The following SNAP47 variants were observed in gnomAD, a reference collection of about 807,000 sequenced individuals.
The protein encoded by SNAP47 is synaptosomal-associated protein 47.
A neutral mutation model predicts 31.4 loss-of-function variants in SNAP47; 20 were observed. The observed-to-expected ratio is 0.64, with a 90% CI of 0.45 to 0.93. The LOEUF (loss-of-function observed/expected upper bound fraction) is 0.93. Ranked by LOEUF, SNAP47 falls within the 40% of genes least tolerant of loss-of-function variation. The pLI, the probability that SNAP47 is intolerant of heterozygous loss-of-function variation, is 0.00. For synonymous variants in SNAP47, 194 were observed against 213.4 expected (o/e 0.91, Z 0.79); for missense variants, 492 against 528.5 (o/e 0.93, Z 0.68).
chr1:227,758,948 T>C (rs868089258), intron 2 of SNAP47, 47 bp from the exon 3 acceptor site: 1 of 1,536,912 alleles, frequency 6.5e-7, no homozygotes, highest in Middle Eastern at 1.8e-4. Context: ...GTATTACTCC[T>C]TAAAAATGAA....
chr1:227,763,325 A>G lies in SNAP47; in HGVS notation c.989-3634A>G, dbSNP rs1179229349. On this transcript the variant is annotated intron_variant, in intron 3 of 4. Transcript: ENST00000617596. The surrounding 1 kb of genome is among the most constrained non-coding windows in gnomAD (Gnocchi z 4.2). ...TCACTCACTGCCTGTCTTGGGGGTA[A>G]GGCCTGCCTGGGCTTCCAGCTCCCT... Among the ~76,000 whole-genome samples, 1 of 152,134 alleles carries G rather than the reference A, an allele frequency of 6.6e-6. No homozygotes were observed. The highest frequency in any genetic ancestry group is 1.5e-5 in the Non-Finnish European group (1 of 68,022).
intron 4 of SNAP47, chr1:227,777,214 A>G (rs1221564282): frequency 2.1e-5 from 11 of 529,744 alleles, no homozygotes; most frequent in Non-Finnish European, 2.4e-5. Context: ...TACGTAGTGA[A>G]GTTTTCCATA....
chr1:227,747,628 G>C, intron 1 of SNAP47, 64 bp from the exon 2 acceptor site: 1 of 1,501,664 alleles, frequency 6.7e-7, no homozygotes, highest in Non-Finnish European at 9.0e-7. Flanking sequence ...CAGCATCCTT[G>C]TGGGGTTGCT....
In SNAP47 at chr1:227,780,607, A is replaced by G; in HGVS notation, c.1194A>G (p.Ala398=). ...AAGACGAAGCCCTGGATGGCGTTGC[A>G]GCAGCTGTGGACAGGGCAACCTTGA... ...ERQDEALDGV[A]AAVDRATLTI... is the part of the protein sequence containing the mutation. Residue 398 remains alanine, a synonymous_variant, in exon 5 of 5, where the codon GCA becomes GCG. Transcript: ENST00000617596. 1 of 1,614,216 alleles carries G rather than the reference A, an allele frequency of 6.2e-7. No individual in the cohort carries two copies. Among genetic ancestry groups the G allele is most frequent in the South Asian group, 1.1e-5 (1 of 91,088 alleles).
chr1:227,739,144 A>G (rs1352165721), intron 1 of SNAP47, among the ~76,000 whole-genome samples: 2 of 152,090 alleles, frequency 1.3e-5, no homozygotes, highest in African/African-American at 4.8e-5. Context: ...GGCCCCACAC[A>G]ATACTCCATT....
chr1:227,761,058 G>C (rs1197050768), intron 3 of SNAP47, among the ~76,000 whole-genome samples: 2 of 152,174 alleles, frequency 1.3e-5, no homozygotes, highest in Non-Finnish European at 2.9e-5. Context: ...TATGTATTGT[G>C]CATGTATGTG....
At chr1:227,778,262 G>A (rs1406686907) in intron 4 of SNAP47, among the ~76,000 whole-genome samples, 1 of 152,286 alleles carries the variant, frequency 6.6e-6, no homozygotes, top group East Asian at 1.9e-4. Flanking sequence ...AAGACAAATA[G>A]TGGTGTCTCC....
In SNAP47 at chr1:227,767,029, C is replaced by T. The variant is rs750880697; in HGVS notation, c.1059C>T (p.His353=). ...GAGACCAGGAGGGCACAGCACTGCA[C>T]CTGCAGACAAGCCTGCCAGCCCTTT... ...PAGDQEGTAL[H]LQTSLPALSE... Residue 353 remains histidine, a synonymous_variant, in exon 4 of 5, where the codon CAC becomes CAT. Coordinates refer to ENST00000617596, the MANE Select transcript of SNAP47 (RefSeq NM_053052.4). 8 of 1,613,952 alleles carry T rather than the reference C, an allele frequency of 5.0e-6. No homozygotes were observed. The highest frequency in any genetic ancestry group is 3.3e-4 in the Middle Eastern group (2 of 6,084).
chr1:227,732,204 C>T (rs1036307062), upstream of SNAP47: 10 of 652,472 alleles, frequency 1.5e-5, no homozygotes, highest in Admixed American at 2.9e-5. Flanking sequence ...CACATCCCAT[C>T]TTGGGTCCCT....
intron 1 of SNAP47, among the ~76,000 whole-genome samples, chr1:227,738,018 TTTTTTG>T (rs1661342995): frequency 6.6e-6 from 1 of 151,788 alleles, no homozygotes; most frequent in African/African-American, 2.4e-5. Flanking sequence ...TTTTTTTGGT[TTTTTTG>T]TTTTTTGTTT....
In SNAP47 at chr1:227,759,178, A is replaced by T. The variant is rs138539313; in HGVS notation, c.681A>T (p.Pro227=). 5.6e-6 allele frequency: 9 copies of T among 1,614,102 alleles called. No individual in the cohort carries two copies. In the East Asian group the frequency reaches 2.0e-4, roughly 36 times the overall value. The change falls in exon 3 of 5, where the codon CCA becomes CCT. Residue 227 remains proline, a synonymous_variant. Transcript: ENST00000617596. ...ACAGAACAGAGTCTCACGTTAAACC[A>T]GGGAGGCTCACCGTCCTTGTGTCTG... is the stretch of plus-strand genomic sequence containing the variant. ...ISHRTESHVK[P]GRLTVLVSGL... is the part of the protein sequence containing the mutation.
At chr1:227,751,918 C>T (rs186152858) in intron 2 of SNAP47, among the ~76,000 whole-genome samples, 41 of 152,052 alleles carry the variant, frequency 2.7e-4, no homozygotes, top group East Asian at 2.3e-3. Context: ...TGCCCGCTAC[C>T]GCGCCTGGCT....
intron 2 of SNAP47, among the ~76,000 whole-genome samples, chr1:227,751,744 G>GTTTTTTTTT (rs540732076): frequency 1.2e-4 from 8 of 69,194 alleles, no homozygotes; most frequent in African/African-American, 2.8e-4. Context: ...TAAAGACTTG[G>GTTTTTTTTT]TTTTTTTTTT....
intron 4 of SNAP47, chr1:227,776,868 T>G: frequency 1.0e-6 from 1 of 985,446 alleles, no homozygotes; most frequent in Non-Finnish European, 1.2e-6. Flanking sequence ...AGTTCTCTTT[T>G]AAGGCCTTCA....
At chr1:227,748,985 G>A (rs770234412) in intron 2 of SNAP47, among the ~76,000 whole-genome samples, 1 of 152,086 alleles carries the variant, frequency 6.6e-6, no homozygotes, top group African/African-American at 2.4e-5. Context: ...CTTTCTTTTA[G>A]TGTTGCTATT....
intron 4 of SNAP47, among the ~76,000 whole-genome samples, chr1:227,774,249 C>G (rs1664021880): frequency 6.6e-6 from 1 of 152,246 alleles, no homozygotes; most frequent in African/African-American, 2.4e-5. Flanking sequence ...TATGGATCCT[C>G]TGCTTAGCTG....
At chr1:227,745,929 G>A (rs577633692) in intron 1 of SNAP47, 1 of 152,368 alleles carries the variant, frequency 6.6e-6, no homozygotes, top group African/African-American at 2.4e-5. Flanking sequence ...AGGGATGTGA[G>A]GAGAGGTGCA....
At chr1:227,735,239 T>C, upstream of SNAP47, 2 of 1,600,272 alleles carry the variant, frequency 1.2e-6, no homozygotes, top group Non-Finnish European at 1.7e-6. Context: ...GCCTCGGAAG[T>C]GGCTGTCGGC....
chr1:227,751,741 T>G (rs2102930825), intron 2 of SNAP47, among the ~76,000 whole-genome samples: 1 of 133,878 alleles, frequency 7.5e-6, no homozygotes, highest in African/African-American at 2.8e-5. Flanking sequence ...ACATAAAGAC[T>G]TGGTTTTTTT....
Sources: gnomAD v4.1 joint callset for allele counts (sites outside exome capture counted in the v4.1 genomes callset) on GRCh38, gnomAD v4.1.1 for gene constraint, Gnocchi (gnomAD v3.1) non-coding constraint, MANE v1.5 for transcripts, NCBI Gene and HGNC (gene_info 2026-07-23, HGNC 2026-07-21) for gene names.